Variants in ELAVL4 observed in about 807,000 individuals in gnomAD.
ELAVL4 encodes ELAV like RNA binding protein 4, also known as ELAV-like protein 4.
ELAVL4 carries 1 observed loss-of-function variant against 35.6 expected under a neutral mutation model. The ratio of observed to expected loss-of-function variants is 0.03; its 90% confidence interval spans 0.01 to 0.13. The LOEUF is 0.13. Ranked by LOEUF, ELAVL4 falls within the 10% of genes least tolerant of loss-of-function variation. ELAVL4 has a pLI of 1.00. For synonymous variants in ELAVL4, 156 were observed against 171.0 expected (o/e 0.91, Z 0.69); for missense variants, 267 against 464.9 (o/e 0.57, Z 3.91).
At chr1:50,060,352 G>T (rs576791905) in intron 1 of ELAVL4, among the ~76,000 whole-genome samples, 1 of 152,298 alleles carries the variant, frequency 6.6e-6, no homozygotes, top group East Asian at 1.9e-4. Flanking sequence ...GAAGCTGTAT[G>T]ACTTTTCATG....
At chr1:50,184,239 T>C (rs1681484925) in intron 3 of ELAVL4, among the ~76,000 whole-genome samples, 1 of 152,152 alleles carries the variant, frequency 6.6e-6, no homozygotes, top group Non-Finnish European at 1.5e-5. Flanking sequence ...TCCCAGTATC[T>C]TGAAGTTCAT....
intron 2 of ELAVL4, among the ~76,000 whole-genome samples, chr1:50,170,267 GAA>G (rs1202250049): frequency 2.0e-5 from 3 of 152,108 alleles, no homozygotes; most frequent in Non-Finnish European, 4.4e-5. Flanking sequence ...TTAACCCCTT[GAA>G]AAAAGTAATA....
At chr1:50,197,545 A>G in intron 6 of ELAVL4, 78 bp downstream of exon 6, 3 of 1,294,192 alleles carry the variant, frequency 2.3e-6, no homozygotes, top group Non-Finnish European at 3.1e-6. Context: ...TTAATTCACT[A>G]ACTTTACTTT....
At chr1:50,098,221 TA>T (rs962677558) in intron 1 of ELAVL4, among the ~76,000 whole-genome samples, 4 of 152,306 alleles carry the variant, frequency 2.6e-5, no homozygotes, top group African/African-American at 9.6e-5. Flanking sequence ...ATAAAATTAG[TA>T]AATACTCTTT....
intron 1 of ELAVL4, among the ~76,000 whole-genome samples, chr1:50,113,987 C>A (rs932532258): frequency 1.6e-4 from 24 of 152,064 alleles, no homozygotes; most frequent in Admixed American, 1.4e-3. Flanking sequence ...CCCATAAGAA[C>A]TGGTTTCTCT....
At chr1:50,060,475 G>C (rs1299739827) in intron 1 of ELAVL4, among the ~76,000 whole-genome samples, 1 of 152,196 alleles carries the variant, frequency 6.6e-6, no homozygotes, top group Non-Finnish European at 1.5e-5. Flanking sequence ...TTGCAGCTAA[G>C]TCATAGAGAA....
At chr1:50,105,582 T>C (rs1489585718), upstream of ELAVL4, 1 of 152,224 alleles carries the variant, frequency 6.6e-6, no homozygotes, top group Non-Finnish European at 1.5e-5. Context: ...AAAGAAATCT[T>C]TTAAGATGGT....
intron 1 of ELAVL4, among the ~76,000 whole-genome samples, chr1:50,131,277 ATCATG>A (rs1332679388): frequency 1.3e-5 from 2 of 152,124 alleles, no homozygotes; most frequent in African/African-American, 2.4e-5. Context: ...TTGAAATTTT[ATCATG>A]TCTTTTTTAT....
At chr1:50,163,272 C>G (rs1173922075) in intron 2 of ELAVL4, among the ~76,000 whole-genome samples, 1 of 152,180 alleles carries the variant, frequency 6.6e-6, no homozygotes, top group Non-Finnish European at 1.5e-5. Context: ...CTTAACTATA[C>G]TCTACTATCA....
chr1:50,103,010 TG>T (rs1481346843), upstream of ELAVL4, among the ~76,000 whole-genome samples: 1 of 152,148 alleles, frequency 6.6e-6, no homozygotes, highest in African/African-American at 2.4e-5. Flanking sequence ...TTTAAGAGTA[TG>T]GTCAAAGGCA....
Position 50,088,797 on chromosome 1 carries a change from C to T in ELAVL4, c.18+40615C>T, listed in dbSNP as rs559793391. 9.7e-4 allele frequency among the ~76,000 whole-genome samples: 147 copies of T among 152,268 alleles called. 3 individuals carry two copies. The highest frequency in any genetic ancestry group is 1.0e-4 in the Non-Finnish European group (7 of 68,034). ...CAGGAAACAAGAAAGGGCACCCACC[C>T]ACACAGCCAGTCAGCACCTCTCATA... On this transcript the variant is annotated intron_variant, in intron 1 of 6. Coordinates refer to the ELAVL4 transcript ENST00000448907.
intron 3 of ELAVL4, among the ~76,000 whole-genome samples, chr1:50,187,167 C>T (rs1268531506): frequency 1.3e-5 from 2 of 152,142 alleles, no homozygotes; most frequent in South Asian, 2.1e-4. Context: ...GGTGTTACAA[C>T]AGATTGGGGA....
chr1:50,163,085 A>T (rs950311512), intron 2 of ELAVL4, among the ~76,000 whole-genome samples: 1 of 152,158 alleles, frequency 6.6e-6, no homozygotes, highest in Non-Finnish European at 1.5e-5. Context: ...ATTTCGTGAC[A>T]GTTCTTTCTT....
chr1:50,197,377 C>A, intron 5 of ELAVL4, 52 bp from the exon 6 acceptor site: 1 of 1,527,820 alleles, frequency 6.5e-7, no homozygotes. Context: ...TTCCATTGAG[C>A]GATCTTGCCA....
chr1:50,176,171 C>A (rs768409612), intron 2 of ELAVL4, among the ~76,000 whole-genome samples: 1 of 152,206 alleles, frequency 6.6e-6, no homozygotes, highest in African/African-American at 2.4e-5. Context: ...CTGTCACTTG[C>A]TACCTCTCTT....
intron 1 of ELAVL4, among the ~76,000 whole-genome samples, chr1:50,097,242 C>T (rs1665756403): frequency 6.6e-6 from 1 of 151,964 alleles, no homozygotes; most frequent in South Asian, 2.1e-4. Context: ...AAAACAAAAC[C>T]TCTCGTGACC....
At chr1:50,085,458 G>A (rs1376957946) in intron 1 of ELAVL4, among the ~76,000 whole-genome samples, 1 of 152,202 alleles carries the variant, frequency 6.6e-6, no homozygotes, top group Non-Finnish European at 1.5e-5. Context: ...GGCAAGTAGA[G>A]GTGCCCAGAT....
rs561532324 is a variant in ELAVL4, at chr1:50,155,096, A to G, written c.250+9899A>G. Reference sequence around the variant, plus strand: ...ATGCAGGTTAGTTACATATGTATACATGTGCCATGCTGGTGTGCTGCACCC... The same window carrying G: ...ATGCAGGTTAGTTACATATGTATACGTGTGCCATGCTGGTGTGCTGCACCC... On this transcript the variant is annotated intron_variant, in intron 2 of 6. Coordinates refer to ENST00000371824, the MANE Select transcript of ELAVL4 (RefSeq NM_001144774.3). 2.6e-4 allele frequency among the ~76,000 whole-genome samples: 39 copies of G among 151,600 alleles called. 1 individual carries two copies. In the South Asian group the frequency reaches 7.5e-3, roughly 29 times the overall value.
At position 50,052,588 on chromosome 1, in the gene ELAVL4, C is replaced by T. The variant is rs1234642808; in HGVS notation, c.18+4406C>T. On this transcript the variant is annotated intron_variant, in intron 1 of 6. Coordinates refer to the ELAVL4 transcript ENST00000448907. ...CCCCTTGTCATTTGAGCTCTTTGAC[C>T]CTCTGGTATCTCTGAAACAAAATAA... Among the ~76,000 whole-genome samples the T allele has an allele frequency of 3.9e-5, 6 of 152,152 alleles. No homozygotes were observed. The South Asian group carries it at 1.2e-3, about 32-fold the overall frequency.
Sources: gnomAD v4.1 joint callset for allele counts (sites outside exome capture counted in the v4.1 genomes callset) on GRCh38, gnomAD v4.1.1 for gene constraint, MANE v1.5 for transcripts, NCBI Gene and HGNC (gene_info 2026-07-23, HGNC 2026-07-21) for gene names.